The following MSI2 variants were observed in gnomAD, a reference collection of about 807,000 sequenced individuals.
The protein encoded by MSI2 is RNA-binding protein Musashi homolog 2.
Under a neutral mutation model 45.6 loss-of-function variants are expected in MSI2, and 17 were observed. The observed-to-expected ratio is 0.37, with a 90% CI of 0.26 to 0.56. The LOEUF (loss-of-function observed/expected upper bound fraction) is 0.56. Among genes scored for constraint, MSI2 ranks in the 20% least tolerant of loss-of-function variants. MSI2 has a pLI of 0.77. For missense variants in MSI2, 293 were observed against 444.2 expected (o/e 0.66, Z 3.06); for synonymous variants, 156 against 158.2 (o/e 0.99, Z 0.11).
At chr17:57,261,219 TA>T (rs1567722839) in intron 4 of MSI2, among the ~76,000 whole-genome samples, 2 of 152,220 alleles carry the variant, frequency 1.3e-5, no homozygotes, top group Non-Finnish European at 2.9e-5. Context: ...GCTGTACAGC[TA>T]GACCCTGATT....
intron 5 of MSI2, among the ~76,000 whole-genome samples, chr17:57,324,324 A>T (rs890043262): frequency 2.0e-5 from 3 of 152,178 alleles, no homozygotes; most frequent in Non-Finnish European, 4.4e-5. Context: ...GTACCGCATG[A>T]GGTGGCTGCA....
intron 7 of MSI2, among the ~76,000 whole-genome samples, chr17:57,563,837 C>T (rs1309625456): frequency 1.3e-5 from 2 of 151,336 alleles, no homozygotes; most frequent in African/African-American, 4.9e-5. Flanking sequence ...TTGCATTTTC[C>T]TTTCATCCCT....
At chr17:57,411,949 G>A (rs1258291312) in intron 6 of MSI2, among the ~76,000 whole-genome samples, 1 of 151,932 alleles carries the variant, frequency 6.6e-6, no homozygotes, top group Non-Finnish European at 1.5e-5. Context: ...AGAGGTTGCA[G>A]TGAGCCAAGA....
chr17:57,539,555 G>A (rs570129497), intron 7 of MSI2, among the ~76,000 whole-genome samples: 2 of 151,474 alleles, frequency 1.3e-5, no homozygotes, highest in East Asian at 1.9e-4. Context: ...AGCCAGGAAC[G>A]GTGGCACGTG....
chr17:57,511,525 C>T (rs774521043), intron 6 of MSI2, among the ~76,000 whole-genome samples: 8 of 152,276 alleles, frequency 5.3e-5, no homozygotes, highest in Middle Eastern at 6.8e-3. Flanking sequence ...TGGCTCAGAA[C>T]GCCTCTCATT....
At chr17:57,260,317 C>T (rs1376204414) in intron 4 of MSI2, among the ~76,000 whole-genome samples, 6 of 152,134 alleles carry the variant, frequency 3.9e-5, no homozygotes, top group Non-Finnish European at 8.8e-5. Context: ...TGCTCTGATA[C>T]GGCCACACAC....
chr17:57,414,217 T>C (rs2084250592), intron 6 of MSI2, among the ~76,000 whole-genome samples: 1 of 152,218 alleles, frequency 6.6e-6, no homozygotes, highest in Non-Finnish European at 1.5e-5. Flanking sequence ...GACCTGACTG[T>C]AAATTCCACC....
chr17:57,609,900 G>T (rs539196471), intron 8 of MSI2, among the ~76,000 whole-genome samples: 1 of 152,328 alleles, frequency 6.6e-6, no homozygotes, highest in African/African-American at 2.4e-5. Context: ...TAGGCAGATC[G>T]GGATTAACAT....
intron 11 of MSI2, among the ~76,000 whole-genome samples, chr17:57,657,823 G>T (rs990467576): frequency 1.3e-5 from 2 of 152,118 alleles, no homozygotes; most frequent in African/African-American, 4.8e-5. Context: ...TAAGCTTTAG[G>T]GTTCCCAGGT....
chr17:57,563,941 CTGAACAG>C (rs2087662468), intron 7 of MSI2, among the ~76,000 whole-genome samples: 1 of 152,182 alleles, frequency 6.6e-6, no homozygotes, highest in South Asian at 2.1e-4. Context: ...ACACGCTCTG[CTGAACAG>C]CCCACCTGAG....
At chr17:57,344,747 A>T (rs552781841) in intron 5 of MSI2, among the ~76,000 whole-genome samples, 1 of 152,312 alleles carries the variant, frequency 6.6e-6, no homozygotes, top group African/African-American at 2.4e-5. Context: ...CTCAATCCAC[A>T]CTTACTAGTT....
At chr17:57,391,701 C>G (rs571583275) in intron 5 of MSI2, among the ~76,000 whole-genome samples, 18 of 152,254 alleles carry the variant, frequency 1.2e-4, no homozygotes, top group Middle Eastern at 3.4e-3. Flanking sequence ...CATACCAACC[C>G]CACCATCCTG....
chr17:57,353,809 A>C (rs1286033143), intron 5 of MSI2, among the ~76,000 whole-genome samples: 1 of 152,162 alleles, frequency 6.6e-6, no homozygotes, highest in African/African-American at 2.4e-5. Context: ...GGACTGACCT[A>C]TTAAGTCTCC....
chr17:57,502,618 T>G (rs1180179937), intron 6 of MSI2, among the ~76,000 whole-genome samples: 2 of 118,010 alleles, frequency 1.7e-5, no homozygotes, highest in African/African-American at 6.3e-5. Flanking sequence ...TATATATATA[T>G]ATATATATAT....
intron 11 of MSI2, among the ~76,000 whole-genome samples, chr17:57,667,837 GA>G (rs1451375133): frequency 1.3e-5 from 2 of 152,176 alleles, no homozygotes; most frequent in Non-Finnish European, 2.9e-5. Context: ...CGCCAGTCCA[GA>G]ACCCACCCAG....
intron 5 of MSI2, among the ~76,000 whole-genome samples, chr17:57,298,833 G>A (rs1302009707): frequency 6.6e-6 from 1 of 152,204 alleles, no homozygotes; most frequent in Non-Finnish European, 1.5e-5. Context: ...CAGTCAGCCT[G>A]TCCTTTAAAG....
At chr17:57,420,708 T>C (rs11870947) in intron 6 of MSI2, among the ~76,000 whole-genome samples, 19,485 of 152,238 alleles carry the variant, frequency 0.13, 1,401 homozygotes, top group Non-Finnish European at 0.16. Context: ...TTAGTGCCTG[T>C]CCCATGGGCT....
chr17:57,330,426 A>T (rs1404595039), intron 5 of MSI2, among the ~76,000 whole-genome samples: 4 of 151,886 alleles, frequency 2.6e-5, no homozygotes, highest in Non-Finnish European at 5.9e-5. Flanking sequence ...CCGGGATTAC[A>T]GGTGCTTGCC....
At chr17:57,688,231 A>G (rs1598527389), downstream of MSI2, among the ~76,000 whole-genome samples, 2 of 152,238 alleles carry the variant, frequency 1.3e-5, no homozygotes, top group South Asian at 4.1e-4. Context: ...AAAGACAAAG[A>G]TGATTTTATT....
Sources: allele counts gnomAD v4.1 joint callset (sites outside exome capture counted in the v4.1 genomes callset), GRCh38; gene constraint gnomAD v4.1.1; transcripts MANE v1.5; gene names NCBI Gene and HGNC (gene_info 2026-07-23, HGNC 2026-07-21).